The following NEK7 variants were observed in gnomAD, a reference collection of about 807,000 sequenced individuals.
NEK7 encodes serine/threonine-protein kinase Nek7.
Under a neutral mutation model 44.6 loss-of-function variants are expected in NEK7, and 18 were observed. The ratio of observed to expected loss-of-function variants is 0.40; its 90% confidence interval spans 0.28 to 0.60. NEK7 has a LOEUF of 0.60. Among genes scored for constraint, NEK7 ranks in the 20% least tolerant of loss-of-function variants. The pLI, the probability that NEK7 is intolerant of heterozygous loss-of-function variation, is 0.38. For synonymous variants in NEK7, 130 were observed against 121.1 expected, an observed-to-expected ratio of 1.07 and a Z score of -0.48; for missense variants, 256 against 366.5, an observed-to-expected ratio of 0.70 and a Z score of 2.46.
chr1:198,253,028 T>A lies in NEK7; in HGVS notation c.58-12T>A, dbSNP rs1202833433. 8.2e-6 allele frequency: 13 copies of A among 1,594,874 alleles called. No individual in the cohort carries two copies. The highest frequency in any genetic ancestry group is 2.7e-5 in the African/African-American group (2 of 73,636). On this transcript the variant is annotated splice_polypyrimidine_tract_variant and intron_variant, in intron 2 of 9. Coordinates refer to ENST00000367385, the MANE Select transcript of NEK7 (RefSeq NM_133494.3). ...GTGTGATTGAAAATTTTTCTGACAT[T>A]TTTAATTACAGAAGGCCTTACGACC...
intron 1 of NEK7, among the ~76,000 whole-genome samples, chr1:198,223,911 A>C: frequency 1.3e-5 from 2 of 152,190 alleles, no homozygotes; most frequent in Admixed American, 6.5e-5. Flanking sequence ...ACCAATGTAA[A>C]AATCTTGTAG....
chr1:198,160,979 T>C (rs749955703), intron 1 of NEK7, among the ~76,000 whole-genome samples: 6 of 152,202 alleles, frequency 3.9e-5, no homozygotes, highest in Non-Finnish European at 5.9e-5. Context: ...CAGATGATCA[T>C]GAAGCATTCC....
intron 1 of NEK7, among the ~76,000 whole-genome samples, chr1:198,224,332 A>G (rs539215548): frequency 6.6e-5 from 10 of 152,356 alleles, no homozygotes; most frequent in African/African-American, 2.4e-4. Context: ...CATAGTATTC[A>G]GTATAATAAC....
chr1:198,172,374 A>G (rs967094924), intron 1 of NEK7, among the ~76,000 whole-genome samples: 4 of 152,204 alleles, frequency 2.6e-5, no homozygotes, highest in Non-Finnish European at 4.4e-5. Context: ...CTTGTTGAGG[A>G]CAAGGATGTC....
intron 1 of NEK7, among the ~76,000 whole-genome samples, chr1:198,218,692 A>G (rs1164316711): frequency 1.3e-5 from 2 of 151,740 alleles, no homozygotes; most frequent in East Asian, 3.9e-4. Context: ...GATATGCGGA[A>G]TATACAAATA....
chr1:198,235,323 C>G (rs963244772), intron 2 of NEK7, among the ~76,000 whole-genome samples: 1 of 151,978 alleles, frequency 6.6e-6, no homozygotes, highest in African/African-American at 2.4e-5. Context: ...ATTTATGTTT[C>G]TTTATTAATG....
chr1:198,166,997 G>A (rs1664287774), intron 1 of NEK7, among the ~76,000 whole-genome samples: 1 of 152,156 alleles, frequency 6.6e-6, no homozygotes, highest in African/African-American at 2.4e-5. Context: ...AAACTAGATG[G>A]TATAAAACAA....
At chr1:198,306,621 AAAG>A in intron 9 of NEK7, among the ~76,000 whole-genome samples, 1 of 152,198 alleles carries the variant, frequency 6.6e-6, no homozygotes, top group East Asian at 1.9e-4. Context: ...GTATTCATTA[AAAG>A]AAGAAGGTGT....
At chr1:198,207,795 C>T (rs1376739181) in intron 1 of NEK7, among the ~76,000 whole-genome samples, 3 of 151,922 alleles carry the variant, frequency 2.0e-5, no homozygotes, top group Non-Finnish European at 4.4e-5. Flanking sequence ...AGAAATTGTA[C>T]ATTAAAATGG....
intron 7 of NEK7, among the ~76,000 whole-genome samples, chr1:198,290,973 T>C (rs1654534961): frequency 6.6e-6 from 1 of 152,216 alleles, no homozygotes; most frequent in Non-Finnish European, 1.5e-5. Context: ...CTAATCATTC[T>C]TTTCCTCTGC....
intron 1 of NEK7, among the ~76,000 whole-genome samples, chr1:198,201,125 G>GT (rs1451927841): frequency 6.6e-6 from 1 of 152,000 alleles, no homozygotes; most frequent in Admixed American, 6.6e-5. Flanking sequence ...TTCTACTTTT[G>GT]TTTTTTTAAG....
intron 9 of NEK7, among the ~76,000 whole-genome samples, chr1:198,310,773 G>T (rs898149610): frequency 6.6e-6 from 1 of 151,940 alleles, no homozygotes; most frequent in African/African-American, 2.4e-5. Flanking sequence ...ATTTCTGAGG[G>T]CTCTGTTCTG....
intron 1 of NEK7, among the ~76,000 whole-genome samples, chr1:198,195,166 T>C (rs145897593): frequency 1.3e-5 from 2 of 152,324 alleles, no homozygotes; most frequent in African/African-American, 4.8e-5. Context: ...TCTGTATTTC[T>C]ATTTTATTAA....
intron 2 of NEK7, among the ~76,000 whole-genome samples, chr1:198,240,989 G>T (rs573631199): frequency 6.6e-6 from 1 of 152,106 alleles, no homozygotes; most frequent in South Asian, 2.1e-4. Context: ...CACCACTCCC[G>T]GCCAAGACCA....
chr1:198,318,912 GTTTT>G (rs963258661), intron 9 of NEK7, among the ~76,000 whole-genome samples: 6 of 151,784 alleles, frequency 4.0e-5, no homozygotes, highest in African/African-American at 1.5e-4. Flanking sequence ...TTAAAGGAGT[GTTTT>G]TTTCTCTAAT....
intron 9 of NEK7, among the ~76,000 whole-genome samples, chr1:198,303,544 T>C (rs1009915160): frequency 3.9e-5 from 6 of 152,090 alleles, no homozygotes; most frequent in African/African-American, 1.2e-4. Context: ...ATCTTTGAAG[T>C]TAAATTAAGT....
At chr1:198,230,454 A>G (rs1271985224) in intron 1 of NEK7, among the ~76,000 whole-genome samples, 1 of 152,168 alleles carries the variant, frequency 6.6e-6, no homozygotes, top group Non-Finnish European at 1.5e-5. Context: ...CAAGATACAC[A>G]AATTTTTTAA....
chr1:198,276,475 G>A (rs889334326), intron 5 of NEK7, among the ~76,000 whole-genome samples: 3 of 151,650 alleles, frequency 2.0e-5, no homozygotes, highest in African/African-American at 7.2e-5. Context: ...AGAAAATTAT[G>A]TGTAAAGAAC....
intron 5 of NEK7, among the ~76,000 whole-genome samples, chr1:198,267,128 A>G (rs541153143): frequency 3.3e-5 from 5 of 152,184 alleles, no homozygotes; most frequent in Admixed American, 3.3e-4. Flanking sequence ...ATTCTCAGAA[A>G]TCTTAATTCC....
Sources: gnomAD v4.1 joint callset for allele counts (sites outside exome capture counted in the v4.1 genomes callset) on GRCh38, gnomAD v4.1.1 for gene constraint, MANE v1.5 for transcripts, NCBI Gene and HGNC (gene_info 2026-07-23, HGNC 2026-07-21) for gene names.